The following KAZN variants were observed in gnomAD, a reference collection of about 807,000 sequenced individuals.
The protein encoded by KAZN is kazrin, periplakin interacting protein.
A neutral mutation model predicts 87.4 loss-of-function variants in KAZN; 40 were observed. The observed-to-expected ratio is 0.46, with a 90% confidence interval of 0.36 to 0.60. KAZN has a LOEUF of 0.60. KAZN is among the 20% of genes least tolerant of loss of function. The pLI is 0.00. For synonymous variants in KAZN, 466 were observed against 458.3 expected (o/e 1.02, Z -0.22); for missense variants, 898 against 1,073.9 (o/e 0.84, Z 2.29).
intron 1 of KAZN, among the ~76,000 whole-genome samples, chr1:14,784,237 A>G (rs1645437895): frequency 2.0e-5 from 3 of 152,162 alleles, no homozygotes; most frequent in African/African-American, 7.2e-5. Context: ...ATTATCTAGG[A>G]CAGACTCCTT....
rs563183795 is a variant in KAZN at position 15,094,006 on chromosome 1, T to C, written c.1223-174T>C. ...TTCTTTTCTTTTCATAGATTACTTT[T>C]GTAATGGGGGCAAGGGCAGAAAAAC... On this transcript the variant is annotated intron_variant, in intron 8 of 14. Coordinates refer to ENST00000376030, the MANE Select transcript of KAZN (RefSeq NM_201628.3). The surrounding 1 kb of genome is among the most constrained non-coding windows in gnomAD (Gnocchi z 4.5). Among the ~76,000 whole-genome samples the C allele has an allele frequency of 6.6e-6, 1 of 152,344 alleles. No homozygotes were observed. The highest frequency in any genetic ancestry group is 2.1e-4 in the South Asian group (1 of 4,822).
intron 1 of KAZN, among the ~76,000 whole-genome samples, chr1:14,658,862 C>T (rs7512426): frequency 0.45 from 67,987 of 152,026 alleles, 15,516 homozygotes; most frequent in Middle Eastern, 0.61. Flanking sequence ...ATGCAGTTTA[C>T]TGTAATTCAC....
intron 2 of KAZN, among the ~76,000 whole-genome samples, chr1:14,250,948 A>G (rs1226755238): frequency 6.6e-6 from 1 of 152,190 alleles, no homozygotes; most frequent in Non-Finnish European, 1.5e-5. Context: ...CTATAAGTCT[A>G]GGAAATATTT....
At chr1:13,936,426 A>G (rs544962556) in intron 1 of KAZN, among the ~76,000 whole-genome samples, 4 of 151,994 alleles carry the variant, frequency 2.6e-5, no homozygotes, top group Admixed American at 2.6e-4. Flanking sequence ...TGCTATATGG[A>G]TATATTGTGT....
chr1:14,355,871 AAG>A (rs1372588660), intron 2 of KAZN, among the ~76,000 whole-genome samples: 1 of 152,114 alleles, frequency 6.6e-6, no homozygotes, highest in African/African-American at 2.4e-5. Flanking sequence ...TGCTATTGTG[AAG>A]AGTGTTGCAA....
intron 1 of KAZN, among the ~76,000 whole-genome samples, chr1:14,771,420 C>A (rs140350097): frequency 6.6e-6 from 1 of 152,232 alleles, no homozygotes; most frequent in African/African-American, 2.4e-5. Context: ...AAACCTTGAT[C>A]GGGTCCTAAT....
chr1:14,728,162 T>C (rs1046447040), intron 1 of KAZN, among the ~76,000 whole-genome samples: 4 of 151,644 alleles, frequency 2.6e-5, no homozygotes, highest in Non-Finnish European at 4.4e-5. Context: ...TGCGTGCACC[T>C]GTAATCCCAG....
At chr1:14,598,370 C>T (rs936101324), upstream of KAZN, among the ~76,000 whole-genome samples, 5 of 152,160 alleles carry the variant, frequency 3.3e-5, no homozygotes, top group African/African-American at 1.2e-4. The surrounding 1 kb of genome is among the most constrained non-coding windows in gnomAD (Gnocchi z 4.2). Context: ...AGCACCCTCT[C>T]TTCCGAGCAC....
intron 2 of KAZN, among the ~76,000 whole-genome samples, chr1:14,367,310 G>A (rs913894858): frequency 1.3e-5 from 2 of 152,090 alleles, no homozygotes; most frequent in African/African-American, 2.4e-5. Context: ...CTGAAGTCCG[G>A]CTACCTGCAG....
At chr1:14,701,242 T>C (rs1449291710) in intron 1 of KAZN, among the ~76,000 whole-genome samples, 1 of 152,176 alleles carries the variant, frequency 6.6e-6, no homozygotes, top group Non-Finnish European at 1.5e-5. Flanking sequence ...CACCTCAGCC[T>C]CCTGAGTAGC....
chr1:13,963,487 C>G (rs559372831), intron 1 of KAZN, among the ~76,000 whole-genome samples: 3 of 152,196 alleles, frequency 2.0e-5, no homozygotes, highest in African/African-American at 7.2e-5. Flanking sequence ...CCTCTTCAGA[C>G]CTAAGAAGAC....
At chr1:14,876,690 C>T (rs1430368017) in intron 1 of KAZN, among the ~76,000 whole-genome samples, 5 of 152,126 alleles carry the variant, frequency 3.3e-5, no homozygotes, top group Non-Finnish European at 5.9e-5. Context: ...ATGATAGTAC[C>T]AAAAATTGGT....
At chr1:15,033,745 G>T (rs562234371) in intron 2 of KAZN, among the ~76,000 whole-genome samples, 1 of 152,190 alleles carries the variant, frequency 6.6e-6, no homozygotes, top group South Asian at 2.1e-4. Flanking sequence ...CATTTTGTTT[G>T]TTTGTTTGTT....
intron 1 of KAZN, among the ~76,000 whole-genome samples, chr1:14,837,489 G>A (rs889065797): frequency 6.6e-6 from 1 of 151,700 alleles, no homozygotes; most frequent in Non-Finnish European, 1.5e-5. Context: ...GTGAGCCACT[G>A]TGCCTGGCCC....
intron 2 of KAZN, among the ~76,000 whole-genome samples, chr1:14,441,689 C>T (rs772548633): frequency 6.6e-6 from 1 of 152,074 alleles, no homozygotes; most frequent in East Asian, 1.9e-4. Flanking sequence ...AGTCAAAATC[C>T]CATAAAGCTG....
At chr1:15,007,464 G>A (rs1669139823) in intron 2 of KAZN, among the ~76,000 whole-genome samples, 1 of 152,256 alleles carries the variant, frequency 6.6e-6, no homozygotes, top group East Asian at 1.9e-4. Context: ...GCTGGGAGGT[G>A]TGGAGGGTGT....
Position 14,380,152 on chromosome 1 carries a change from C to T in KAZN, c.249+199560C>T, listed in dbSNP as rs192733647. On this transcript the variant is annotated intron_variant, in intron 2 of 16. Coordinates refer to the KAZN transcript ENST00000636203. ...TACCTCTGTGAGGCTGCAAGAAGCA[C>T]ATCACTATTGGGCTTGGGGTGCCCC... is the stretch of plus-strand genomic sequence containing the variant. Among the ~76,000 whole-genome samples the T allele has an allele frequency of 5.0e-3, 763 of 152,350 alleles. 7 individuals are homozygous for T. The highest frequency in any genetic ancestry group is 0.017 in the African/African-American group (709 of 41,584).
rs1639199626 is a variant in KAZN at position 15,066,013 on chromosome 1, A to G, written c.1222+260A>G. ...CGCCACCTCTGTAATTGATGTACATACCGCAAACCGTGTGTGAACCTGTCA... is the reference window on the plus strand; with the variant it reads ...CGCCACCTCTGTAATTGATGTACATGCCGCAAACCGTGTGTGAACCTGTCA... On this transcript the variant is annotated intron_variant, in intron 8 of 14. Transcript: ENST00000376030. This position sits in a 1 kb window ranked among gnomAD's most constrained non-coding sequence, Gnocchi z 4.3. The G allele has an allele frequency of 2.6e-5, 34 of 1,290,158 alleles. No homozygotes were observed. In the South Asian group the frequency reaches 8.2e-4, roughly 31 times the overall value. The allele number at this position is 1,290,158 out of a possible 1,614,324, so 79.9% of individuals were successfully genotyped here.
chr1:15,012,791 G>A (rs1266847113), intron 2 of KAZN, among the ~76,000 whole-genome samples: 2 of 152,120 alleles, frequency 1.3e-5, no homozygotes, highest in South Asian at 2.1e-4. Context: ...GCGTGGTGGT[G>A]CACACCTGTA....
Sources: gnomAD v4.1 joint callset for allele counts (sites outside exome capture counted in the v4.1 genomes callset) on GRCh38, gnomAD v4.1.1 for gene constraint, Gnocchi (gnomAD v3.1) non-coding constraint, MANE v1.5 for transcripts, NCBI Gene and HGNC (gene_info 2026-07-23, HGNC 2026-07-21) for gene names.